Variants in ZBTB7C observed in about 807,000 individuals in gnomAD.
The protein encoded by ZBTB7C is zinc finger and BTB domain-containing protein 7C.
ZBTB7C carries 8 observed loss-of-function variants against 25.7 expected under a neutral mutation model. The ratio of observed to expected loss-of-function variants is 0.31; its 90% CI spans 0.18 to 0.56. The LOEUF (loss-of-function observed/expected upper bound fraction) is 0.56. ZBTB7C is among the 20% of genes least tolerant of loss of function. The probability of loss-of-function intolerance (pLI) is 0.91; values close to 1 mark genes in which losing one functional copy is unlikely to be tolerated. For missense variants in ZBTB7C, 824 were observed against 855.2 expected (o/e 0.96, Z 0.46); for synonymous variants, 394 against 369.0 (o/e 1.07, Z -0.78).
At chr18:48,353,414 T>C (rs987791831) in intron 1 of ZBTB7C, among the ~76,000 whole-genome samples, 5 of 152,208 alleles carry the variant, frequency 3.3e-5, no homozygotes, top group African/African-American at 1.2e-4. Flanking sequence ...CCTTCTTCAA[T>C]CCATCCGTGG....
intron 1 of ZBTB7C, among the ~76,000 whole-genome samples, chr18:48,404,423 G>T (rs955063409): frequency 6.6e-6 from 1 of 152,196 alleles, no homozygotes; most frequent in African/African-American, 2.4e-5. Context: ...GAGTGAAGGG[G>T]AGGTCAGAGA....
At position 48,121,087 on chromosome 18, in the gene ZBTB7C, G is replaced by C. The variant is rs1046057460; in HGVS notation, c.-17+64847C>G. Among the ~76,000 whole-genome samples, 5 of 152,232 alleles carry C rather than the reference G, an allele frequency of 3.3e-5. No homozygotes were observed. In the East Asian group the frequency reaches 9.6e-4, roughly 29 times the overall value. ...TCTCACACCTACTCCTGCGCTCCCT[G>C]CAGAGCCATGCCCATGAGCACTGTT... On this transcript the variant is annotated intron_variant, in intron 3 of 4. Transcript: ENST00000590800.
chr18:48,341,648 T>G (rs191442763), intron 1 of ZBTB7C, among the ~76,000 whole-genome samples: 274 of 151,128 alleles, frequency 1.8e-3, no homozygotes, highest in African/African-American at 6.3e-3. Context: ...GAAAGGAGAG[T>G]TTTCACAGGG....
At chr18:48,241,770 G>A (rs1467702568) in intron 2 of ZBTB7C, among the ~76,000 whole-genome samples, 2 of 152,034 alleles carry the variant, frequency 1.3e-5, no homozygotes, top group Middle Eastern at 3.4e-3. Flanking sequence ...CGCACAAATC[G>A]ACAATCTAAA....
intron 1 of ZBTB7C, among the ~76,000 whole-genome samples, chr18:48,407,916 T>G (rs9966451): frequency 0.042 from 6,318 of 152,130 alleles, 433 homozygotes; most frequent in African/African-American, 0.14. Flanking sequence ...ACCGAGGTGT[T>G]TCTACCTCGC....
intron 2 of ZBTB7C, among the ~76,000 whole-genome samples, chr18:48,309,116 G>T (rs907328149): frequency 6.6e-6 from 1 of 152,156 alleles, no homozygotes; most frequent in Admixed American, 6.5e-5. Flanking sequence ...AAGAAAAAGA[G>T]GTTGTAAAAA....
intron 1 of ZBTB7C, among the ~76,000 whole-genome samples, chr18:48,371,015 C>G (rs192536620): frequency 1.3e-5 from 2 of 152,146 alleles, no homozygotes; most frequent in Non-Finnish European, 2.9e-5. Context: ...TGGAAGGACA[C>G]GAAGCCCCTG....
intron 1 of ZBTB7C, among the ~76,000 whole-genome samples, chr18:48,391,263 T>C (rs2047896649): frequency 6.6e-6 from 1 of 152,210 alleles, no homozygotes; most frequent in African/African-American, 2.4e-5. Flanking sequence ...TGAGCTTGGC[T>C]CTACCTAGAA....
intron 2 of ZBTB7C, among the ~76,000 whole-genome samples, chr18:48,238,845 G>A (rs1286144530): frequency 1.3e-5 from 2 of 152,204 alleles, no homozygotes; most frequent in Non-Finnish European, 2.9e-5. Flanking sequence ...GGGGAGAGGT[G>A]GGGCCTGAAA....
At chr18:48,285,713 G>T (rs1469024239) in intron 2 of ZBTB7C, among the ~76,000 whole-genome samples, 3 of 152,156 alleles carry the variant, frequency 2.0e-5, no homozygotes, top group African/African-American at 7.2e-5. Context: ...CATATACCTG[G>T]ATCTTGTGCC....
At chr18:48,193,225 C>T (rs890994786) in intron 2 of ZBTB7C, among the ~76,000 whole-genome samples, 8 of 152,146 alleles carry the variant, frequency 5.3e-5, no homozygotes, top group African/African-American at 9.7e-5. Flanking sequence ...CGGGCACCTC[C>T]GGCTATTAGG....
chr18:48,262,710 A>C (rs1003688999), intron 2 of ZBTB7C, among the ~76,000 whole-genome samples: 7 of 152,022 alleles, frequency 4.6e-5, no homozygotes, highest in African/African-American at 1.2e-4. Flanking sequence ...CACTAACCCA[A>C]TTTAAGTTCG....
Position 48,029,385 on chromosome 18 carries a change from C to T in ZBTB7C, c.1735G>A (p.Ala579Thr), listed in dbSNP as rs780606151. 4 of 1,559,106 alleles carry T rather than the reference C, an allele frequency of 2.6e-6. 1 individual carries two copies. The highest frequency in any genetic ancestry group is 3.6e-5 in the Admixed American group (2 of 55,416). Residue 579 changes from alanine to threonine, a missense_variant, in exon 5 of 5, where the codon GCC becomes ACC. By Grantham distance (58) the Ala-to-Thr change is moderately conservative (BLOSUM62 0). This residue lies in a region of ZBTB7C where 342 missense variants were observed against 307.0 expected (regional missense o/e 1.11). Transcript: ENST00000590800. ...NAGGLLAFAL[A>T]ENVAAARPYF... ...GGCCGCGCCGCCGCCACGTTCTCGG[C>T]CAGCGCGAAGGCCAGGAGGCCCCCC...
chr18:48,334,707 G>T (rs550461278), intron 2 of ZBTB7C, among the ~76,000 whole-genome samples: 1 of 152,302 alleles, frequency 6.6e-6, no homozygotes, highest in Non-Finnish European at 1.5e-5. Context: ...GTGACAATAA[G>T]ATCTGAACTC....
rs555320087 is a variant in ZBTB7C, at chr18:48,355,937, G to A, written c.-303-17539C>T. On this transcript the variant is annotated intron_variant, in intron 1 of 4. Coordinates refer to ENST00000590800, the MANE Select transcript of ZBTB7C (RefSeq NM_001318841.2). ...CAGGTGAGCGGGCTGAGAAGTTCACGTTGGCTTTCTACTGTGAACTTTTCC... is the reference window on the plus strand; with the variant it reads ...CAGGTGAGCGGGCTGAGAAGTTCACATTGGCTTTCTACTGTGAACTTTTCC... Among the ~76,000 whole-genome samples the A allele has an allele frequency of 7.7e-4, 117 of 152,290 alleles. 1 individual carries two copies. Among genetic ancestry groups the A allele is most frequent in the Non-Finnish European group, 1.4e-3 (95 of 68,018 alleles).
chr18:48,198,729 G>A (rs1218702493), intron 2 of ZBTB7C, among the ~76,000 whole-genome samples: 1 of 152,230 alleles, frequency 6.6e-6, no homozygotes, highest in Non-Finnish European at 1.5e-5. Flanking sequence ...CTCAGGGCCA[G>A]CTGATTCACA....
intron 1 of ZBTB7C, among the ~76,000 whole-genome samples, chr18:48,408,079 A>G (rs1053082181): frequency 6.6e-6 from 1 of 151,144 alleles, no homozygotes; most frequent in Admixed American, 6.6e-5. Context: ...AGCACCAGAA[A>G]CTCCGGCTCT....
At chr18:48,212,237 A>G (rs1373114565) in intron 2 of ZBTB7C, among the ~76,000 whole-genome samples, 1 of 152,144 alleles carries the variant, frequency 6.6e-6, no homozygotes, top group Non-Finnish European at 1.5e-5. Flanking sequence ...CAGTCTGGAA[A>G]AGGTTACATA....
At position 48,322,782 on chromosome 18, in the gene ZBTB7C, T is replaced by C. The variant is rs149431858; in HGVS notation, c.-79+15392A>G. ...GCAGCACAATTCGCAATTGCAAAAA[T>C]GTGGAACCAACCCAAATATCAGTCA... On this transcript the variant is annotated intron_variant, in intron 2 of 4. Transcript: ENST00000590800. Among the ~76,000 whole-genome samples, 822 of 152,208 alleles carry C rather than the reference T, an allele frequency of 5.4e-3. 6 individuals are homozygous for C. The highest frequency in any genetic ancestry group is 0.019 in the African/African-American group (796 of 41,526).
Sources: allele counts gnomAD v4.1 joint callset (sites outside exome capture counted in the v4.1 genomes callset), GRCh38; gene constraint gnomAD v4.1.1; regional missense constraint gnomAD v4.1.1; transcripts MANE v1.5; gene names NCBI Gene and HGNC (gene_info 2026-07-23, HGNC 2026-07-21).